The following GEMIN8 variants were observed in gnomAD, a reference collection of about 807,000 sequenced individuals.
GEMIN8 encodes gem-associated protein 8.
For synonymous variants in GEMIN8, 80 were observed against 78.5 expected (o/e 1.02, Z -0.10); for missense variants, 185 against 205.9 (o/e 0.90, Z 0.62).
downstream of GEMIN8, among the ~76,000 whole-genome samples, chrX:14,006,631 T>C (rs1375387757): frequency 8.9e-6 from 1 of 111,737 alleles, no homozygotes; most frequent in African/African-American, 3.3e-5. Context: ...AGCGCATCCA[T>C]TCGGAGAGCT....
downstream of GEMIN8, among the ~76,000 whole-genome samples, chrX:14,002,809 G>A (rs1015358013): frequency 3.6e-5 from 4 of 112,197 alleles, no homozygotes; most frequent in Non-Finnish European, 7.5e-5. Flanking sequence ...GCCAACATCT[G>A]TATTTTTAAT....
the GEMIN8 span, among the ~76,000 whole-genome samples, chrX:14,000,940 C>T: frequency 9.0e-6 from 1 of 110,971 alleles, no homozygotes. Flanking sequence ...GGTTTTCTTC[C>T]CCATCTATCC....
chrX:13,987,144 G>C, the GEMIN8 span, among the ~76,000 whole-genome samples: 1 of 111,559 alleles, frequency 9.0e-6, no homozygotes, highest in Non-Finnish European at 1.9e-5. Context: ...ACTCCAGGGA[G>C]CCCCTTCCTC....
At chrX:14,001,527 CTT>C in the GEMIN8 span, among the ~76,000 whole-genome samples, 2 of 111,040 alleles carry the variant, frequency 1.8e-5, no homozygotes, top group South Asian at 3.9e-4. Context: ...CCAACATGCG[CTT>C]TTTTTCCCCT....
chrX:13,984,632 A>G, the GEMIN8 span, among the ~76,000 whole-genome samples: 1 of 112,110 alleles, frequency 8.9e-6, no homozygotes, highest in Admixed American at 9.5e-5. Context: ...AGTACTTGAG[A>G]GCAAGGATTT....
rs1457285563 is a variant in GEMIN8 at position 14,006,839 on chromosome X, A to G, written c.*2074T>C. ...GAGAGAATTATTAACACTCATTTTA[A>G]GGATAAGGAAGGAACCAGAAGCACT... is the stretch of plus-strand genomic sequence containing the variant. On this transcript the variant is annotated 3_prime_UTR_variant, in exon 5 of 5. Coordinates refer to ENST00000680255, the MANE Select transcript of GEMIN8 (RefSeq NM_001042479.2). Among the ~76,000 whole-genome samples the G allele has an allele frequency of 8.9e-6, 1 of 111,825 alleles. No individual in the cohort carries two copies. The highest frequency in any genetic ancestry group is 9.5e-5 in the Admixed American group (1 of 10,505).
At chrX:14,028,110 ATC>A (rs1924791189) in intron 1 of GEMIN8, among the ~76,000 whole-genome samples, 1 of 112,204 alleles carries the variant, frequency 8.9e-6, no homozygotes, top group South Asian at 3.7e-4. Flanking sequence ...TTCCATGTTA[ATC>A]TCTCTTTTCT....
At chrX:14,006,572 C>A (rs1163464674), downstream of GEMIN8, among the ~76,000 whole-genome samples, 1 of 111,444 alleles carries the variant, frequency 9.0e-6, no homozygotes, top group Non-Finnish European at 1.9e-5. Flanking sequence ...CACAAATTAT[C>A]TGAGACAAGC....
intron 4 of GEMIN8, among the ~76,000 whole-genome samples, chrX:14,012,552 C>T (rs1334066472): frequency 1.8e-5 from 2 of 111,442 alleles, no homozygotes; most frequent in African/African-American, 6.5e-5. Flanking sequence ...AAGCCTGTCA[C>T]CTGCGACCTA....
chrX:14,021,561 A>G (rs1182824546), intron 2 of GEMIN8, 50 bp from the exon 3 acceptor site: 2 of 902,514 alleles, frequency 2.2e-6, no homozygotes, highest in Non-Finnish European at 3.2e-6. Flanking sequence ...TGGCTGTGTG[A>G]TATTTGTGGC....
chrX:14,020,941 G>A (rs1298792952), intron 3 of GEMIN8, among the ~76,000 whole-genome samples: 3 of 111,040 alleles, frequency 2.7e-5, no homozygotes, highest in Non-Finnish European at 5.7e-5. Context: ...ACACTAGACT[G>A]ACAAGCATGA....
chrX:14,026,537 T>A (rs1219228195), intron 1 of GEMIN8: 1 of 166,664 alleles, frequency 6.0e-6, no homozygotes, highest in Non-Finnish European at 9.7e-6. Flanking sequence ...CAGGATCTAT[T>A]TTTAATGCAT....
the GEMIN8 span, among the ~76,000 whole-genome samples, chrX:14,000,844 C>A: frequency 1.8e-5 from 2 of 111,157 alleles, no homozygotes; most frequent in Non-Finnish European, 3.8e-5. Context: ...CCACTGGGAG[C>A]TCTTCTGGGA....
At chrX:14,027,242 G>C (rs1047973316) in intron 1 of GEMIN8, 1 of 113,139 alleles carries the variant, frequency 8.8e-6, no homozygotes, top group Admixed American at 9.3e-5. Context: ...CCACCTACTT[G>C]GGCAGCCCTG....
At chrX:14,000,024 G>T in the GEMIN8 span, among the ~76,000 whole-genome samples, 2 of 111,550 alleles carry the variant, frequency 1.8e-5, no homozygotes, top group Non-Finnish European at 3.8e-5. Context: ...GGGAGAGAGA[G>T]TGAGGCATGG....
intron 2 of GEMIN8, among the ~76,000 whole-genome samples, chrX:14,023,648 A>G (rs760048605): frequency 8.9e-6 from 1 of 112,367 alleles, no homozygotes; most frequent in South Asian, 3.7e-4. Flanking sequence ...AAGTGCTGGG[A>G]TTACAGGCGT....
the GEMIN8 span, among the ~76,000 whole-genome samples, chrX:13,987,543 GC>G: frequency 1.8e-5 from 2 of 111,400 alleles, no homozygotes; most frequent in African/African-American, 6.5e-5. Flanking sequence ...GGCCTATCTG[GC>G]CAGGCTTTCT....
At chrX:14,029,542 G>C (rs1279050724) in intron 1 of GEMIN8, 1 of 112,599 alleles carries the variant, frequency 8.9e-6, no homozygotes, top group African/African-American at 3.2e-5. Flanking sequence ...CCAGTGATTC[G>C]GAAGCACTGC....
chrX:14,016,866 A>AAATAT (rs1555947311), intron 4 of GEMIN8, among the ~76,000 whole-genome samples: 6 of 57,166 alleles, frequency 1.0e-4, no homozygotes, highest in Non-Finnish European at 1.8e-4. Flanking sequence ...AAAAAAAAAA[A>AAATAT]ATATATATAT....
Sources: allele counts gnomAD v4.1 joint callset (sites outside exome capture counted in the v4.1 genomes callset), GRCh38; gene constraint gnomAD v4.1.1; transcripts MANE v1.5; gene names NCBI Gene and HGNC (gene_info 2026-07-23, HGNC 2026-07-21).